The following ZNF573 variants were observed in gnomAD, a reference collection of about 807,000 sequenced individuals.
The protein encoded by ZNF573 is zinc finger protein 573.
A neutral mutation model predicts 57.4 loss-of-function variants in ZNF573; 41 were observed. That is an observed-to-expected ratio of 0.71 (90% CI 0.56 to 0.93). The LOEUF is 0.93. ZNF573 is among the 40% of genes least tolerant of loss of function. ZNF573 has a pLI of 0.00. For missense variants in ZNF573, 730 were observed against 794.8 expected (o/e 0.92, Z 0.98); for synonymous variants, 249 against 261.0 (o/e 0.95, Z 0.44).
intron 4 of ZNF573, among the ~76,000 whole-genome samples, chr19:37,749,621 G>T (rs893738352): frequency 6.6e-6 from 1 of 152,078 alleles, no homozygotes; most frequent in Admixed American, 6.6e-5. Context: ...AGATATAAAA[G>T]TCCAGTAATT....
chr19:37,773,182 A>G (rs955757864), intron 2 of ZNF573, among the ~76,000 whole-genome samples: 2 of 152,210 alleles, frequency 1.3e-5, no homozygotes, highest in African/African-American at 2.4e-5. Context: ...GATCCATGGT[A>G]TATCTCCAAC....
At position 37,770,113 on chromosome 19, in the gene ZNF573, A is replaced by G. The variant is rs1353424025; in HGVS notation, c.203-16T>C. On this transcript the variant is annotated splice_polypyrimidine_tract_variant and intron_variant, in intron 3 of 4. Transcript: ENST00000536220. ...GAATGTCCTCCTTATAAGAAAAGAA[A>G]TGCCACATGGTATAAAAATAAAAAC... is the stretch of plus-strand genomic sequence containing the variant. 6.6e-6 allele frequency: 10 copies of G among 1,525,330 alleles called. No individual in the cohort carries two copies. Among genetic ancestry groups the G allele is most frequent in the African/African-American group, 4.2e-5 (3 of 71,946 alleles). 94.5% of individuals were successfully genotyped at this position (1,525,330 alleles called of 1,614,324 possible). A position where few individuals can be genotyped will look rare whatever the true frequency, so the allele number is the denominator to read the frequency against.
In ZNF573 at chr19:37,739,711, T is replaced by C. The variant is rs2045305227; in HGVS notation, c.779A>G (p.His260Arg). Residue 260 changes from histidine to arginine, a missense_variant, in exon 5 of 5, where the codon CAT becomes CGT. Coordinates refer to ENST00000536220, the MANE Select transcript of ZNF573 (RefSeq NM_001172690.2). ...ECGRAFSQGGHLRIHQRVHTG... is the reference protein window; with the variant it reads ...ECGRAFSQGGRLRIHQRVHTG... ...ATGAACTCTCTGATGAATTCTAAGA[T>C]GTCCACCTTGACTAAAGGCCCTCCC... 2 of 1,613,640 alleles carry C rather than the reference T, an allele frequency of 1.2e-6. No homozygotes were observed. Among genetic ancestry groups the C allele is most frequent in the Non-Finnish European group, 1.7e-6 (2 of 1,179,812 alleles).
chr19:37,738,497 C>T lies in ZNF573; in HGVS notation c.1993G>A (p.Val665Met). The T allele has an allele frequency of 6.5e-7, 1 of 1,530,032 alleles. No homozygotes were observed. Among genetic ancestry groups the T allele is most frequent in the Non-Finnish European group, 8.7e-7 (1 of 1,143,066 alleles). 94.8% of individuals were successfully genotyped at this position (1,530,032 alleles called of 1,614,324 possible). ...AHQRIHRSIK[V>M] ...CGCTCGTACTCTTTACGGTCTTACACTTTTATGCTCCTATGAATTCTCTGA... is the reference window on the plus strand; with the variant it reads ...CGCTCGTACTCTTTACGGTCTTACATTTTTATGCTCCTATGAATTCTCTGA... The change falls in exon 5 of 5, where the codon GTG becomes ATG. Residue 665 changes from valine to methionine, a missense_variant. Transcript: ENST00000536220.
intron 4 of ZNF573, chr19:37,759,095 C>A: frequency 2.0e-6 from 1 of 496,714 alleles, no homozygotes; most frequent in South Asian, 8.4e-5. Flanking sequence ...CTGCTTGAGC[C>A]CAGGAGTTAG....
chr19:37,738,534 G>A lies in ZNF573; in HGVS notation c.1956C>T (p.Ala652=), dbSNP rs1178523379. ...QCGKTFRYGS[A]LKAHQRIHRS... ...TATGAATTCTCTGATGGGCTTTAAGGGCTGAACCATATCTGAAGGTTTTCC... is the reference window on the plus strand; with the variant it reads ...TATGAATTCTCTGATGGGCTTTAAGAGCTGAACCATATCTGAAGGTTTTCC... The change falls in exon 5 of 5, where the codon GCC becomes GCT. Residue 652 remains alanine (A), a synonymous_variant. Coordinates refer to ENST00000536220, the MANE Select transcript of ZNF573 (RefSeq NM_001172690.2). 6.4e-7 allele frequency: 1 copy of A among 1,563,992 alleles called. No individual in the cohort carries two copies. Among genetic ancestry groups the A allele is most frequent in the East Asian group, 2.2e-5 (1 of 44,626 alleles).
At chr19:37,778,134 T>C (rs550591127) in intron 1 of ZNF573, among the ~76,000 whole-genome samples, 1 of 151,746 alleles carries the variant, frequency 6.6e-6, no homozygotes, top group African/African-American at 2.4e-5. Context: ...TAAGCTCTGA[T>C]ACTTAATAAA....
chr19:37,767,378 G>A (rs868172078), intron 4 of ZNF573, among the ~76,000 whole-genome samples: 4 of 152,002 alleles, frequency 2.6e-5, no homozygotes, highest in Admixed American at 2.0e-4. Flanking sequence ...ACAGGCGCCC[G>A]CCACCACGCC....
At chr19:37,750,279 CACCA>C (rs2045421135) in intron 4 of ZNF573, among the ~76,000 whole-genome samples, 1 of 152,036 alleles carries the variant, frequency 6.6e-6, no homozygotes, top group African/African-American at 2.4e-5. Context: ...GACAGGGTTT[CACCA>C]TGTTAGCCAG....
rs139124058 is a variant in ZNF573 at position 37,750,151 on chromosome 19, C to T, written c.296-9957G>A. ...AGGCTGGGGTGCAGTGGCACGATCT[C>T]GGCTCACCACAACCTCCGCCTCCTG... On this transcript the variant is annotated intron_variant, in intron 4 of 4. Transcript: ENST00000536220. Among the ~76,000 whole-genome samples the T allele has an allele frequency of 4.6e-5, 7 of 151,128 alleles. No individual in the cohort carries two copies. In the East Asian group the frequency reaches 1.4e-3, roughly 30 times the overall value.
At chr19:37,764,414 G>A (rs539621084) in intron 4 of ZNF573, among the ~76,000 whole-genome samples, 22 of 148,294 alleles carry the variant, frequency 1.5e-4, no homozygotes, top group African/African-American at 4.0e-4. Flanking sequence ...TCCATCTCCC[G>A]GATTCAAGCA....
intron 1 of ZNF573, among the ~76,000 whole-genome samples, chr19:37,779,011 T>C (rs948625535): frequency 6.6e-6 from 1 of 152,164 alleles, no homozygotes; most frequent in Non-Finnish European, 1.5e-5. Context: ...AAACTTGATG[T>C]AGAGTTCAGT....
intron 4 of ZNF573, among the ~76,000 whole-genome samples, chr19:37,769,380 A>C (rs2045632646): frequency 6.6e-6 from 1 of 152,086 alleles, no homozygotes; most frequent in Non-Finnish European, 1.5e-5. Context: ...GTGTGTGTGC[A>C]AAAGGGGAGC....
chr19:37,753,003 C>T (rs996961428), intron 4 of ZNF573, among the ~76,000 whole-genome samples: 6 of 152,026 alleles, frequency 3.9e-5, no homozygotes, highest in Non-Finnish European at 8.8e-5. Flanking sequence ...GTCTGTAATC[C>T]TAACACTTTG....
At chr19:37,760,348 A>G (rs1316535360) in intron 4 of ZNF573, among the ~76,000 whole-genome samples, 1 of 152,204 alleles carries the variant, frequency 6.6e-6, no homozygotes, top group Non-Finnish European at 1.5e-5. Context: ...ACCAAAGGTG[A>G]GCAGGTTGAA....
intron 4 of ZNF573, among the ~76,000 whole-genome samples, chr19:37,761,068 C>T (rs958752044): frequency 6.6e-6 from 1 of 151,536 alleles, no homozygotes; most frequent in Non-Finnish European, 1.5e-5. Flanking sequence ...GGTGGTGGCA[C>T]AAGCCTGTAA....
rs368079175 is a variant in ZNF573 at position 37,761,092 on chromosome 19, G to A, written c.295+8913C>T. On this transcript the variant is annotated intron_variant, in intron 4 of 4. Coordinates refer to ENST00000536220, the MANE Select transcript of ZNF573 (RefSeq NM_001172690.2). ...ACAAGCCTGTAATCCCAGCTACAGC[G>A]CCTGTAATCCCAGCCTGAGCCTGGG... 5.9e-5 allele frequency among the ~76,000 whole-genome samples: 9 copies of A among 151,478 alleles called. No homozygotes were observed. In the South Asian group the frequency reaches 1.5e-3, roughly 25 times the overall value.
chr19:37,754,917 A>G (rs925603361), intron 4 of ZNF573, among the ~76,000 whole-genome samples: 3 of 152,180 alleles, frequency 2.0e-5, no homozygotes, highest in Admixed American at 6.5e-5. Context: ...TAAAAATAAA[A>G]AGTAACTAAT....
At chr19:37,746,958 C>T (rs1362965776) in intron 4 of ZNF573, among the ~76,000 whole-genome samples, 3 of 151,980 alleles carry the variant, frequency 2.0e-5, no homozygotes, top group South Asian at 2.1e-4. Flanking sequence ...TCCAGGACCA[C>T]GGGAGGGAGA....
Sources: allele counts gnomAD v4.1 joint callset (sites outside exome capture counted in the v4.1 genomes callset), GRCh38; gene constraint gnomAD v4.1.1; transcripts MANE v1.5; gene names NCBI Gene and HGNC (gene_info 2026-07-23, HGNC 2026-07-21).